The following ELAPOR2 variants were observed in gnomAD, a reference collection of about 807,000 sequenced individuals.
The protein encoded by ELAPOR2 is endosome/lysosome-associated apoptosis and autophagy regulator family member 2.
ELAPOR2 carries 89 observed loss-of-function variants against 120.7 expected under a neutral mutation model. The ratio of observed to expected loss-of-function variants is 0.74; its 90% CI spans 0.62 to 0.88. ELAPOR2 has a LOEUF of 0.88. ELAPOR2 is among the 40% of genes least tolerant of loss of function. ELAPOR2 has a pLI of 0.00. For synonymous variants in ELAPOR2, 444 were observed against 444.9 expected, an observed-to-expected ratio of 1.00 and a Z score of 0.03; for missense variants, 1,134 against 1,251.6, an observed-to-expected ratio of 0.91 and a Z score of 1.42.
intron 1 of ELAPOR2, among the ~76,000 whole-genome samples, chr7:87,006,684 G>A (rs1304452272): frequency 6.6e-6 from 1 of 152,106 alleles, no homozygotes; most frequent in Non-Finnish European, 1.5e-5. Flanking sequence ...CAATGGTCCA[G>A]CCATTCTACT....
chr7:86,922,149 T>C (rs1489355728), intron 10 of ELAPOR2, among the ~76,000 whole-genome samples: 2 of 152,022 alleles, frequency 1.3e-5, no homozygotes, highest in Non-Finnish European at 2.9e-5. Context: ...TTCTCAAGCA[T>C]AAAAACTATA....
At chr7:87,014,027 CTTTTTT>C (rs35583728) in intron 1 of ELAPOR2, among the ~76,000 whole-genome samples, 7 of 122,432 alleles carry the variant, frequency 5.7e-5, no homozygotes, top group Non-Finnish European at 1.0e-4. Context: ...ATGTTTTTCA[CTTTTTT>C]TTTTTTTTTT....
chr7:86,936,676 C>G (rs1790573323), intron 8 of ELAPOR2, among the ~76,000 whole-genome samples: 2 of 151,956 alleles, frequency 1.3e-5, no homozygotes, highest in Non-Finnish European at 2.9e-5. Context: ...CACCGCATGC[C>G]TGTGCATACA....
chr7:87,002,878 G>A (rs1793362496), intron 1 of ELAPOR2, among the ~76,000 whole-genome samples: 1 of 152,138 alleles, frequency 6.6e-6, no homozygotes, highest in Non-Finnish European at 1.5e-5. Flanking sequence ...AACTGCAGGT[G>A]AGAAATGAAC....
rs1480462376 is a variant in ELAPOR2 at position 86,940,054 on chromosome 7, GA to G, written c.802del (p.Ser268LeufsTer9). 6.2e-7 allele frequency: 1 copy of G among 1,612,190 alleles called. No homozygotes were observed. The highest frequency in any genetic ancestry group is 8.5e-7 in the Non-Finnish European group (1 of 1,178,868). On this transcript the variant is annotated frameshift_variant, in exon 6 of 22. Coordinates refer to ENST00000450689, the MANE Select transcript of ELAPOR2 (RefSeq NM_001142749.3). LOFTEE classifies it high-confidence loss of function. Reference sequence around the variant, plus strand: ...TACCAGCACAGGCTTGACCGCCTTAGAACCCATAAGGATGCCTGTAGTTCTC... The same window carrying G: ...TACCAGCACAGGCTTGACCGCCTTAGACCCATAAGGATGCCTGTAGTTCTC... ...YWRTTGILMGSKAVKPVLVKN... is the reference protein window; with the variant it reads ...YWRTTGILMGXKAVKPVLVKN...
chr7:87,058,134 T>A (rs1795318556), intron 1 of ELAPOR2, among the ~76,000 whole-genome samples: 1 of 152,216 alleles, frequency 6.6e-6, no homozygotes, highest in Non-Finnish European at 1.5e-5. Flanking sequence ...CGATTCTCTT[T>A]CATTTCAGTC....
chr7:86,988,111 A>G (rs1284830424), intron 1 of ELAPOR2, among the ~76,000 whole-genome samples: 1 of 152,148 alleles, frequency 6.6e-6, no homozygotes, highest in East Asian at 1.9e-4. Flanking sequence ...AAAACCAAAC[A>G]CCGCATGTTC....
At chr7:86,954,702 C>T (rs1338287723) in intron 2 of ELAPOR2, among the ~76,000 whole-genome samples, 1 of 152,018 alleles carries the variant, frequency 6.6e-6, no homozygotes, top group African/African-American at 2.4e-5. Flanking sequence ...AGTATAAATT[C>T]ATTGTAATCC....
chr7:86,882,090 C>T (rs535487475), intron 21 of ELAPOR2, among the ~76,000 whole-genome samples: 1 of 152,316 alleles, frequency 6.6e-6, no homozygotes, highest in Admixed American at 6.5e-5. Context: ...GAAGAGCAGA[C>T]TGTAGATCTT....
At position 86,897,612 on chromosome 7, in the gene ELAPOR2, C is replaced by G; in HGVS notation, c.2579G>C (p.Cys860Ser). The part of the protein sequence containing the change: ...SVPSKCPAGT[C>S]DGCTFYFLWE... Reference sequence around the variant, plus strand: ...CAGGAAATAGAACGTACACCCATCACAGGTACCTGCTGGGCACTTGCTAAA... The same window carrying G: ...CAGGAAATAGAACGTACACCCATCAGAGGTACCTGCTGGGCACTTGCTAAA... Residue 860 changes from cysteine (C) to serine (S), a missense_variant, in exon 19 of 22, where the codon TGT becomes TCT. By Grantham distance (112) the Cys-to-Ser change is moderately radical. Transcript: ENST00000450689. 1.9e-6 allele frequency: 3 copies of G among 1,613,298 alleles called. No individual in the cohort carries two copies. Among genetic ancestry groups the G allele is most frequent in the Non-Finnish European group, 2.5e-6 (3 of 1,179,482 alleles).
intron 1 of ELAPOR2, among the ~76,000 whole-genome samples, chr7:87,004,531 A>G (rs1315723212): frequency 6.6e-6 from 1 of 152,182 alleles, no homozygotes; most frequent in Non-Finnish European, 1.5e-5. Context: ...AGGCTGTTGT[A>G]CACAAGATGC....
intron 1 of ELAPOR2, among the ~76,000 whole-genome samples, chr7:86,986,201 G>T (rs1489862760): frequency 1.7e-5 from 2 of 121,072 alleles, no homozygotes; most frequent in Admixed American, 1.6e-4. Flanking sequence ...AGGCCGAGGC[G>T]GGCGGATCAC....
chr7:87,023,346 G>C (rs900175523), intron 1 of ELAPOR2, among the ~76,000 whole-genome samples: 39 of 152,144 alleles, frequency 2.6e-4, no homozygotes, highest in African/African-American at 6.5e-4. Flanking sequence ...TCTTGTTTTT[G>C]TCAGGTTTGT....
intron 16 of ELAPOR2, among the ~76,000 whole-genome samples, chr7:86,908,863 T>C (rs999685854): frequency 2.0e-5 from 3 of 152,126 alleles, no homozygotes; most frequent in African/African-American, 7.2e-5. Flanking sequence ...CTCAAAAGTC[T>C]ATTAAAATTT....
At chr7:86,934,564 T>C (rs1403190334) in intron 8 of ELAPOR2, among the ~76,000 whole-genome samples, 1 of 151,982 alleles carries the variant, frequency 6.6e-6, no homozygotes, top group African/African-American at 2.4e-5. Flanking sequence ...GTAACTCCCT[T>C]GGTTTCTCCC....
chr7:86,984,864 A>T (rs1792655668), intron 1 of ELAPOR2, among the ~76,000 whole-genome samples: 2 of 152,248 alleles, frequency 1.3e-5, no homozygotes, highest in South Asian at 2.1e-4. Context: ...ATAGAGACAT[A>T]AAAAACCCTT....
chr7:86,974,510 A>G (rs1282112570), intron 1 of ELAPOR2, among the ~76,000 whole-genome samples: 1 of 152,032 alleles, frequency 6.6e-6, no homozygotes, highest in Non-Finnish European at 1.5e-5. Flanking sequence ...GGTATATTTA[A>G]TAACAAAATT....
At chr7:86,925,271 T>C (rs1307629757) in intron 10 of ELAPOR2, among the ~76,000 whole-genome samples, 2 of 151,946 alleles carry the variant, frequency 1.3e-5, no homozygotes, top group Non-Finnish European at 2.9e-5. Flanking sequence ...TTTATACCCA[T>C]AAATGATGAT....
chr7:87,047,701 G>C (rs1385757846), intron 1 of ELAPOR2, among the ~76,000 whole-genome samples: 1 of 152,142 alleles, frequency 6.6e-6, no homozygotes, highest in East Asian at 1.9e-4. Flanking sequence ...AGAGAAAAGG[G>C]AGTACTTCTA....
Sources: gnomAD v4.1 joint callset for allele counts (sites outside exome capture counted in the v4.1 genomes callset) on GRCh38, gnomAD v4.1.1 for gene constraint, MANE v1.5 for transcripts, NCBI Gene and HGNC (gene_info 2026-07-23, HGNC 2026-07-21) for gene names.